The following MYOM3 variants were observed in gnomAD, a reference collection of about 807,000 sequenced individuals.
MYOM3 encodes myomesin-3.
MYOM3 carries 155 observed loss-of-function variants against 191.7 expected under a neutral mutation model. The ratio of observed to expected loss-of-function variants is 0.81; its 90% CI spans 0.71 to 0.92. The LOEUF is 0.92. Ranked by LOEUF, MYOM3 falls within the 40% of genes least tolerant of loss-of-function variation. MYOM3 has a pLI of 0.00. For synonymous variants in MYOM3, 757 were observed against 762.9 expected (o/e 0.99, Z 0.13); for missense variants, 1,889 against 1,890.6 (o/e 1.00, Z 0.02).
chr1:24,081,335 T>C lies in MYOM3; in HGVS notation c.2402A>G (p.Gln801Arg), dbSNP rs1307902616. The C allele has an allele frequency of 6.2e-7, 1 of 1,613,806 alleles. No homozygotes were observed. Among genetic ancestry groups the C allele is most frequent in the Non-Finnish European group, 8.5e-7 (1 of 1,180,012 alleles). Residue 801 changes from glutamine to arginine, a missense_variant, in exon 19 of 37, where the codon CAG becomes CGG. Gln to Arg is a conservative substitution (Grantham distance 43). Coordinates refer to ENST00000374434, the MANE Select transcript of MYOM3 (RefSeq NM_152372.4). ...CAGGCCTGCAGGCCTCTCACCTGGC[T>C]GGGGCATTGTCCACTCTTTGCACTC... ...LFECKEWTMP[Q>R]PGPPYDVRAS...
rs1643315138 is a variant in MYOM3 at position 24,057,395 on chromosome 1, C to T, written c.4283G>A (p.Gly1428Glu). 2 of 1,613,868 alleles carry T rather than the reference C, an allele frequency of 1.2e-6. No homozygotes were observed. The highest frequency in any genetic ancestry group is 1.3e-5 in the African/African-American group (1 of 74,916). Residue 1428 changes from glycine (G) to glutamate (E), a missense_variant, in exon 37 of 37, where the codon GGG becomes GAG. Coordinates refer to ENST00000374434, the MANE Select transcript of MYOM3 (RefSeq NM_152372.4). ...GQVTISVFKH[G>E]DEPKELKSM ...GCTCTTCAGCTCCTTGGGCTCGTCC[C>T]CGTGCTTGAACACACTGATGGTGAC...
At chr1:24,071,059 G>T (rs1220794544) in intron 25 of MYOM3, 58 bp downstream of exon 25, 4 of 1,587,932 alleles carry the variant, frequency 2.5e-6, no homozygotes, top group South Asian at 2.3e-5. Flanking sequence ...TCACCATCCC[G>T]CGAGGCCACC....
intron 28 of MYOM3, chr1:24,066,420 C>T: frequency 1.7e-6 from 1 of 592,634 alleles, no homozygotes; most frequent in Non-Finnish European, 3.0e-6. Context: ...CAGAGTGGCA[C>T]AAAATAGATG....
rs1643396435 is a variant in MYOM3 at position 24,063,422 on chromosome 1, G to C, written c.3661+70C>G. The C allele has an allele frequency of 1.3e-6, 2 of 1,583,694 alleles. No individual in the cohort carries two copies. Among genetic ancestry groups the C allele is most frequent in the Non-Finnish European group, 1.7e-6 (2 of 1,152,590 alleles). On this transcript the variant is annotated intron_variant, in intron 31 of 36. Coordinates refer to ENST00000374434, the MANE Select transcript of MYOM3 (RefSeq NM_152372.4). This position sits in a 1 kb window ranked among gnomAD's most constrained non-coding sequence, Gnocchi z 4.5. ...AACCCACCCCCAATAGCCAAGGCCA[G>C]TGTTAGGCTGCTTGGAGGCTGTTGG...
intron 3 of MYOM3, 21 bp downstream of exon 3, chr1:24,107,972 T>G: frequency 6.2e-7 from 1 of 1,606,734 alleles, no homozygotes; most frequent in Non-Finnish European, 8.5e-7. Flanking sequence ...CACGGCTCCC[T>G]GGGAAGCTTC....
Position 24,081,377 on chromosome 1 carries a change from G to T in MYOM3, c.2360C>A (p.Ala787Glu). The change falls in exon 19 of 37, where the codon GCA becomes GAA. Residue 787 changes from alanine to glutamate, a missense_variant. By Grantham distance (107) the Ala-to-Glu change is moderately radical. Transcript: ENST00000374434. ...TTTGCACTCAAACAGGCTGCTGGGT[G>T]CCGACAGCTCGCCAACACCTGCCCA... The part of the protein sequence containing the change: ...ANWAGVGELS[A>E]PSSLFECKEW... The T allele has an allele frequency of 6.2e-7, 1 of 1,614,194 alleles. No individual in the cohort carries two copies. Among genetic ancestry groups the T allele is most frequent in the South Asian group, 1.1e-5 (1 of 91,076 alleles).
chr1:24,070,583 G>A (rs1364066163), intron 25 of MYOM3, among the ~76,000 whole-genome samples: 1 of 152,032 alleles, frequency 6.6e-6, no homozygotes, highest in African/African-American at 2.4e-5. Flanking sequence ...GTGAGGTTCT[G>A]TCTCAAAAAC....
At chr1:24,095,587 T>C (rs1643874680) in intron 7 of MYOM3, 101 bp from the exon 8 acceptor site, 1 of 978,276 alleles carries the variant, frequency 1.0e-6, no homozygotes, top group African/African-American at 1.7e-5. Flanking sequence ...AGTCCTGGTC[T>C]GTTGGTGGCT....
chr1:24,092,127 A>G (rs377617556), intron 11 of MYOM3, 47 bp downstream of exon 11: 182 of 1,398,528 alleles, frequency 1.3e-4, no homozygotes, highest in Non-Finnish European at 1.7e-4. Context: ...CCACCACCAG[A>G]CAGAATTCTA....
At position 24,057,373 on chromosome 1, in the gene MYOM3, C is replaced by G. The variant is rs1243194655; in HGVS notation, c.4305G>C (p.Lys1435Asn). Residue 1435 changes from lysine to asparagine, a missense_variant, in exon 37 of 37, where the codon AAG becomes AAC. By Grantham distance (94) the Lys-to-Asn change is moderately conservative. Coordinates refer to ENST00000374434, the MANE Select transcript of MYOM3 (RefSeq NM_152372.4). ...FKHGDEPKEL[K>N]SM Reference sequence around the variant, plus strand: ...GCCTGGACACACGCTGTCACATGCTCTTCAGCTCCTTGGGCTCGTCCCCGT... The same window carrying G: ...GCCTGGACACACGCTGTCACATGCTGTTCAGCTCCTTGGGCTCGTCCCCGT... The G allele has an allele frequency of 2.5e-6, 4 of 1,613,310 alleles. No homozygotes were observed. Among genetic ancestry groups the G allele is most frequent in the Non-Finnish European group, 3.4e-6 (4 of 1,179,896 alleles).
chr1:24,071,818 G>T, intron 24 of MYOM3, 151 bp downstream of exon 24: 1 of 781,270 alleles, frequency 1.3e-6, no homozygotes. Context: ...AGCTTCCCGA[G>T]TGGTCCCTGA....
At chr1:24,057,686 T>G in intron 36 of MYOM3, 59 bp from the exon 37 acceptor site, 2 of 1,522,722 alleles carry the variant, frequency 1.3e-6, no homozygotes, top group Non-Finnish European at 1.8e-6. Flanking sequence ...ACTTAGCATT[T>G]GCTTTCATGC....
At chr1:24,070,683 A>G (rs1300688990) in intron 25 of MYOM3, among the ~76,000 whole-genome samples, 2 of 152,240 alleles carry the variant, frequency 1.3e-5, no homozygotes, top group African/African-American at 4.8e-5. Flanking sequence ...CAACCTGGTC[A>G]ACATAGTGAG....
intron 19 of MYOM3, 120 bp downstream of exon 19, chr1:24,081,210 G>C (rs1490454332): frequency 3.1e-5 from 41 of 1,301,906 alleles, no homozygotes; most frequent in Non-Finnish European, 3.2e-6. Context: ...GGGGCCTGGG[G>C]TGCAGGACAA....
Position 24,108,538 on chromosome 1 carries a change from C to T in MYOM3, c.99G>A (p.Lys33=). ...RLEHRQEEEQ[K]EERQHSLRMG... is the part of the protein sequence containing the mutation. ...TGCGCAGGCTGTGCTGCCGCTCCTCCTTCTGCTCCTCCTCCTGCCGGTGCT... is the reference window on the plus strand; with the variant it reads ...TGCGCAGGCTGTGCTGCCGCTCCTCTTTCTGCTCCTCCTCCTGCCGGTGCT... Residue 33 remains lysine (K), a synonymous_variant, in exon 2 of 37, where the codon AAG becomes AAA. Transcript: ENST00000374434. 1.9e-6 allele frequency: 3 copies of T among 1,580,590 alleles called. No individual in the cohort carries two copies. Among genetic ancestry groups the T allele is most frequent in the Non-Finnish European group, 2.6e-6 (3 of 1,163,812 alleles).
intron 9 of MYOM3, among the ~76,000 whole-genome samples, chr1:24,094,489 G>A (rs1005647703): frequency 1.3e-5 from 2 of 152,058 alleles, no homozygotes; most frequent in South Asian, 4.2e-4. Flanking sequence ...TCTTAGGGAG[G>A]TAATGATGCA....
At chr1:24,107,716 C>G (rs1470214653) in intron 3 of MYOM3, among the ~76,000 whole-genome samples, 1 of 152,212 alleles carries the variant, frequency 6.6e-6, no homozygotes, top group Non-Finnish European at 1.5e-5. Context: ...CCCCCTCCCC[C>G]ACCACGTGAA....
intron 13 of MYOM3, among the ~76,000 whole-genome samples, 157 bp from the exon 14 acceptor site, chr1:24,089,822 G>A (rs968554201): frequency 2.6e-5 from 4 of 152,162 alleles, no homozygotes; most frequent in Admixed American, 1.3e-4. Context: ...GGGCAGAGCC[G>A]GGGCTAGAAC....
At chr1:24,071,075 G>A (rs976790421) in intron 25 of MYOM3, 42 bp downstream of exon 25, 2 of 1,600,900 alleles carry the variant, frequency 1.2e-6, no homozygotes, top group African/African-American at 1.3e-5. Flanking sequence ...CCACCTCCCC[G>A]GCAGGGGAGC....
Sources: gnomAD v4.1 joint callset for allele counts (sites outside exome capture counted in the v4.1 genomes callset) on GRCh38, gnomAD v4.1.1 for gene constraint, Gnocchi (gnomAD v3.1) non-coding constraint, MANE v1.5 for transcripts, NCBI Gene and HGNC (gene_info 2026-07-23, HGNC 2026-07-21) for gene names.